The following MEI4 variants were observed in gnomAD, a reference collection of about 807,000 sequenced individuals.
MEI4 encodes meiotic double-stranded break formation protein 4.
MEI4 carries 27 observed loss-of-function variants against 31.4 expected under a neutral mutation model. The ratio of observed to expected loss-of-function variants is 0.86; its 90% confidence interval spans 0.63 to 1.19. The LOEUF (loss-of-function observed/expected upper bound fraction) is 1.19, where lower values mean the gene tolerates loss of function less well. Among genes scored for constraint, MEI4 ranks in the 50% most tolerant of loss-of-function variants. The pLI, the probability that MEI4 is intolerant of heterozygous loss-of-function variation, is 0.00. For missense variants in MEI4, 329 were observed against 398.9 expected, an observed-to-expected ratio of 0.82 and a Z score of 1.49; for synonymous variants, 122 against 145.4, an observed-to-expected ratio of 0.84 and a Z score of 1.16.
intron 2 of MEI4, among the ~76,000 whole-genome samples, chr6:77,756,608 C>CCTCCCTCTCTCT (rs947815778): frequency 7.5e-5 from 11 of 147,622 alleles, no homozygotes; most frequent in Admixed American, 1.4e-4. Flanking sequence ...TCTCTCCCTC[C>CCTCCCTCTCTCT]CTCCCTCTCT....
chr6:77,764,935 G>A (rs974077353), intron 3 of MEI4, among the ~76,000 whole-genome samples: 5 of 152,086 alleles, frequency 3.3e-5, no homozygotes, highest in Non-Finnish European at 7.4e-5. Flanking sequence ...AGAATTTACC[G>A]AAACCTATGG....
intron 2 of MEI4, among the ~76,000 whole-genome samples, chr6:77,703,318 C>G (rs908044174): frequency 2.0e-5 from 3 of 152,046 alleles, no homozygotes; most frequent in African/African-American, 7.2e-5. Flanking sequence ...GGATCGAGAC[C>G]CAGTAAAGTA....
At chr6:77,728,869 G>T (rs932444402) in intron 2 of MEI4, among the ~76,000 whole-genome samples, 27 of 152,288 alleles carry the variant, frequency 1.8e-4, no homozygotes, top group African/African-American at 6.0e-4. Flanking sequence ...GAATTCTTTG[G>T]TGAACTTTAG....
intron 3 of MEI4, among the ~76,000 whole-genome samples, chr6:77,816,349 T>C (rs1025246660): frequency 6.6e-6 from 1 of 152,200 alleles, no homozygotes; most frequent in African/African-American, 2.4e-5. Flanking sequence ...TTATATTAAT[T>C]TAATCGATAG....
chr6:77,799,727 C>G (rs1009026170), intron 3 of MEI4, among the ~76,000 whole-genome samples: 2 of 152,084 alleles, frequency 1.3e-5, no homozygotes, highest in Non-Finnish European at 2.9e-5. Context: ...GCCAGTTTTC[C>G]CAGCACCATT....
intron 4 of MEI4, among the ~76,000 whole-genome samples, chr6:77,909,868 G>A (rs1477700606): frequency 6.6e-6 from 1 of 152,144 alleles, no homozygotes; most frequent in East Asian, 1.9e-4. Context: ...CCATGATCAA[G>A]TGGGCTTCAT....
At chr6:77,833,350 A>G (rs1770129822) in intron 4 of MEI4, among the ~76,000 whole-genome samples, 1 of 152,164 alleles carries the variant, frequency 6.6e-6, no homozygotes, top group East Asian at 1.9e-4. Context: ...CTCTATAAAA[A>G]GCAATATCCA....
chr6:77,707,379 G>C (rs1766356447), intron 2 of MEI4, among the ~76,000 whole-genome samples: 1 of 152,174 alleles, frequency 6.6e-6, no homozygotes. Context: ...TGCTGTGGCT[G>C]CTTCTAACTG....
At chr6:77,740,687 C>A (rs147765674) in intron 2 of MEI4, among the ~76,000 whole-genome samples, 1 of 151,982 alleles carries the variant, frequency 6.6e-6, no homozygotes, top group Admixed American at 6.6e-5. Flanking sequence ...ATGGTACTAA[C>A]AAATTGTGTA....
chr6:77,843,556 G>T (rs1438425065), intron 4 of MEI4, among the ~76,000 whole-genome samples: 4 of 150,794 alleles, frequency 2.7e-5, no homozygotes, highest in African/African-American at 9.7e-5. Context: ...AACTATTACA[G>T]AACAAGTTGT....
At chr6:77,798,159 CTT>C (rs1426695076) in intron 3 of MEI4, among the ~76,000 whole-genome samples, 8 of 151,526 alleles carry the variant, frequency 5.3e-5, no homozygotes, top group South Asian at 2.1e-4. Context: ...TAAAATCTAA[CTT>C]ATAAATATAA....
chr6:77,661,269 GA>G (rs1768501242), intron 1 of MEI4, among the ~76,000 whole-genome samples: 1 of 152,082 alleles, frequency 6.6e-6, no homozygotes, highest in African/African-American at 2.4e-5. Flanking sequence ...AGATTCCACT[GA>G]ATACCAAGAG....
At chr6:77,682,276 G>A (rs945401234) in intron 1 of MEI4, among the ~76,000 whole-genome samples, 1 of 152,114 alleles carries the variant, frequency 6.6e-6, no homozygotes, top group African/African-American at 2.4e-5. Context: ...TCAGTTTCTT[G>A]CTTTCTTGGC....
chr6:77,691,621 A>G (rs540460972), intron 2 of MEI4, among the ~76,000 whole-genome samples: 2 of 152,212 alleles, frequency 1.3e-5, no homozygotes, highest in South Asian at 2.1e-4. Context: ...GGAAAAAGGT[A>G]CAAGGTACAG....
At chr6:77,746,421 G>T (rs1010965726) in intron 2 of MEI4, among the ~76,000 whole-genome samples, 3 of 152,110 alleles carry the variant, frequency 2.0e-5, no homozygotes, top group Non-Finnish European at 4.4e-5. Flanking sequence ...AGTAAGGGGG[G>T]ACTCCTCTTG....
intron 3 of MEI4, among the ~76,000 whole-genome samples, chr6:77,798,964 T>A (rs1769166361): frequency 6.6e-6 from 1 of 152,120 alleles, no homozygotes; most frequent in Non-Finnish European, 1.5e-5. Flanking sequence ...CGTGTGCATG[T>A]GTCTTTATAG....
intron 3 of MEI4, among the ~76,000 whole-genome samples, chr6:77,822,014 A>AT (rs1769838746): frequency 6.6e-6 from 1 of 152,134 alleles, no homozygotes; most frequent in Non-Finnish European, 1.5e-5. Flanking sequence ...CCAGCAGAGC[A>AT]ACCCCAGCTT....
chr6:77,751,218 A>T (rs140417063), intron 2 of MEI4, among the ~76,000 whole-genome samples: 2 of 152,202 alleles, frequency 1.3e-5, no homozygotes, highest in African/African-American at 4.8e-5. Flanking sequence ...CTGAGAAACA[A>T]GAGCAAACAA....
intron 2 of MEI4, among the ~76,000 whole-genome samples, chr6:77,746,691 A>G (rs1360501874): frequency 2.6e-5 from 4 of 151,362 alleles, no homozygotes; most frequent in Admixed American, 2.0e-4. Flanking sequence ...ATGTACATAT[A>G]TTTCGGTTTC....
Sources: allele counts gnomAD v4.1 joint callset (sites outside exome capture counted in the v4.1 genomes callset), GRCh38; gene constraint gnomAD v4.1.1; transcripts MANE v1.5; gene names NCBI Gene and HGNC (gene_info 2026-07-23, HGNC 2026-07-21).